Variants in ITGB1BP2 observed in about 807,000 individuals in gnomAD.
The protein encoded by ITGB1BP2 is integrin subunit beta 1 binding protein 2, also known as integrin beta-1-binding protein 2.
In ITGB1BP2, 27 loss-of-function variants were observed where a neutral mutation model predicts 32.2. The observed-to-expected ratio is 0.84, with a 90% CI of 0.62 to 1.16. The LOEUF is 1.16. Among genes scored for constraint, ITGB1BP2 ranks in the 50% most tolerant of loss-of-function variants. The pLI is 0.00. For synonymous variants in ITGB1BP2, 105 were observed against 94.7 expected (o/e 1.11, Z -0.63); for missense variants, 250 against 267.3 (o/e 0.94, Z 0.45).
intron 8 of ITGB1BP2, 55 bp downstream of exon 8, chrX:71,303,966 C>T: frequency 1.0e-6 from 1 of 984,124 alleles, no homozygotes; most frequent in East Asian, 3.3e-5. Context: ...GAGGTAAATT[C>T]TCCTCCCTCT....
chrX:71,304,706 A>AT (rs1385541525), intron 10 of ITGB1BP2, 102 bp downstream of exon 10: 1 of 681,566 alleles, frequency 1.5e-6, no homozygotes, highest in Non-Finnish European at 2.2e-6. Flanking sequence ...TACTAGGAAA[A>AT]TGGAGGTTTT....
At position 71,303,895 on chromosome X, in the gene ITGB1BP2, A is replaced by G; in HGVS notation, c.623A>G (p.His208Arg). The G allele has an allele frequency of 8.3e-7, 1 of 1,206,312 alleles. No individual in the cohort carries two copies. The highest frequency in any genetic ancestry group is 1.1e-6 in the Non-Finnish European group (1 of 892,241). ...CAACCAGGGTGCAGAGTCGGTAGAC[A>G]TGACTGGGGGAAGCAGGTAAGCCCC... ...LAQPGCRVGR[H>R]DWGKQLPASC... The change falls in exon 8 of 11, where the codon CAT (histidine) becomes CGT (arginine). Residue 208 changes from histidine (H) to arginine (R), a missense_variant. Transcript: ENST00000373829.
chrX:71,305,223 C>T lies in ITGB1BP2; in HGVS notation c.*31C>T. 6 of 1,086,736 alleles carry T rather than the reference C, an allele frequency of 5.5e-6. No individual in the cohort carries two copies. Among genetic ancestry groups the T allele is most frequent in the Non-Finnish European group, 7.5e-6 (6 of 796,571 alleles). The allele number at this position is 1,086,736 out of a possible 1,213,427, so 89.6% of individuals were successfully genotyped here. On this transcript the variant is annotated 3_prime_UTR_variant, in exon 11 of 11. Coordinates refer to ENST00000373829, the MANE Select transcript of ITGB1BP2 (RefSeq NM_012278.4). ...CCAGACAGTTGATGTCTAGATAGGACCTCAATGATTCCCTTAGAATCTTAG... is the reference window on the plus strand; with the variant it reads ...CCAGACAGTTGATGTCTAGATAGGATCTCAATGATTCCCTTAGAATCTTAG...
Position 71,304,165 on chromosome X carries a change from G to A in ITGB1BP2, c.640-22G>A, listed in dbSNP as rs760705892. The stretch of plus-strand genomic sequence containing the variant: ...AGTTAAGAATTTATTCTTACCACCT[G>A]CATTTCACATCTTCTCTTTAGCTCC... On this transcript the variant is annotated intron_variant, in intron 8 of 10. Transcript: ENST00000373829. The A allele has an allele frequency of 7.1e-6, 8 of 1,120,721 alleles. No individual in the cohort carries two copies. The Admixed American group carries it at 1.8e-4, about 25-fold the overall frequency. 92.4% of individuals were successfully genotyped at this position (1,120,721 alleles called of 1,213,427 possible).
In ITGB1BP2 at chrX:71,302,054, A is replaced by C. The variant is rs191410178; in HGVS notation, c.65-83A>C. 1.3e-3 allele frequency: 1,420 copies of C among 1,057,103 alleles called. 3 individuals are homozygous for C. The highest frequency in any genetic ancestry group is 9.0e-4 in the Admixed American group (33 of 36,733). 87.1% of individuals were successfully genotyped at this position (1,057,103 alleles called of 1,213,427 possible). A position where few individuals can be genotyped will look rare whatever the true frequency, so the allele number is the denominator to read the frequency against. On this transcript the variant is annotated intron_variant, in intron 1 of 10. Coordinates refer to ENST00000373829, the MANE Select transcript of ITGB1BP2 (RefSeq NM_012278.4). Reference sequence around the variant, plus strand: ...TCACATTATATGGGAAGAAACCATAAATAGAAACCCGGGGAAGAGGTGAAA... The same window carrying C: ...TCACATTATATGGGAAGAAACCATACATAGAAACCCGGGGAAGAGGTGAAA...
intron 9 of ITGB1BP2, 60 bp from the exon 10 acceptor site, chrX:71,304,482 C>T (rs779838954): frequency 6.8e-5 from 74 of 1,090,902 alleles, no homozygotes; most frequent in East Asian, 3.0e-4. Context: ...GGTTATCTGT[C>T]GTAATGACCT....
intron 10 of ITGB1BP2, 39 bp from the exon 11 acceptor site, chrX:71,304,926 C>T (rs778444383): frequency 9.0e-7 from 1 of 1,109,782 alleles, no homozygotes; most frequent in Admixed American, 2.2e-5. Flanking sequence ...TTGATTTCCT[C>T]ATTCTCTCTT....
In ITGB1BP2 at chrX:71,304,991, C is replaced by T. The variant is rs192907604; in HGVS notation, c.843C>T (p.Val281=). ...TCATAAACGTGGAGCAGAGCTCTGT[C>T]TTCTTGATGCCATCTCGGGTTGAAA... ...WGVINVEQSS[V]FLMPSRVEIS... The change falls in exon 11 of 11, where the codon GTC becomes GTT. Residue 281 remains valine (V), a synonymous_variant. Coordinates refer to ENST00000373829, the MANE Select transcript of ITGB1BP2 (RefSeq NM_012278.4). The T allele has an allele frequency of 4.1e-5, 49 of 1,208,991 alleles. No homozygotes were observed. The highest frequency in any genetic ancestry group is 4.4e-5 in the Admixed American group (2 of 45,602).
rs758739114 is a variant in ITGB1BP2, at chrX:71,304,600, G to T, written c.812G>T (p.Trp271Leu). 6 of 1,201,284 alleles carry T rather than the reference G, an allele frequency of 5.0e-6. No individual in the cohort carries two copies. In the Admixed American group the frequency reaches 6.6e-5, roughly 13 times the overall value. The stretch of plus-strand genomic sequence containing the variant: ...GTGTTCCAAGCACAGATGAAGCTCT[G>T]GGGGGTAAGTGAAGACCAGGGGACA... Reference protein sequence around the residue: ...NRVFQAQMKLWGVINVEQSSV... With the variant: ...NRVFQAQMKLLGVINVEQSSV... Residue 271 changes from tryptophan to leucine, a missense_variant, in exon 10 of 11, where the codon TGG (tryptophan) becomes TTG (leucine). Physicochemically the swap from Trp to Leu is moderately conservative, Grantham distance 61 (BLOSUM62 -2). Coordinates refer to ENST00000373829, the MANE Select transcript of ITGB1BP2 (RefSeq NM_012278.4).
At chrX:71,303,194 G>A (rs1307763242) in intron 4 of ITGB1BP2, 68 bp from the exon 5 acceptor site, 12 of 942,892 alleles carry the variant, frequency 1.3e-5, no homozygotes, top group African/African-American at 3.9e-5. Flanking sequence ...CATTACCATC[G>A]GTGGGAGTGT....
rs780229957 is a variant in ITGB1BP2 at position 71,303,845 on chromosome X, C to T, written c.573C>T (p.Thr191=). The T allele has an allele frequency of 1.7e-6, 2 of 1,209,078 alleles. No homozygotes were observed. Among genetic ancestry groups the T allele is most frequent in the East Asian group, 5.9e-5 (2 of 33,802 alleles). Residue 191 remains threonine, a synonymous_variant, in exon 8 of 11, where the codon ACC becomes ACT. Coordinates refer to ENST00000373829, the MANE Select transcript of ITGB1BP2 (RefSeq NM_012278.4). ...CTTGGAGCTGTTGTGGCATCCAGAC[C>T]CTGGATTTTGGGGCATTCTTGGCAC... ...MKSWSCCGIQ[T]LDFGAFLAQP... is the part of the protein sequence containing the mutation.
rs1413349224 is a variant in ITGB1BP2, at chrX:71,305,355, T to C, written c.*163T>C. ...CTGTTTTTTTCCCTTAAATAAATCTTGTATTCTTCAGTTTCACATAGTGTC... is the reference window on the plus strand; with the variant it reads ...CTGTTTTTTTCCCTTAAATAAATCTCGTATTCTTCAGTTTCACATAGTGTC... On this transcript the variant is annotated 3_prime_UTR_variant, in exon 11 of 11. Transcript: ENST00000373829. The C allele has an allele frequency of 2.2e-6, 1 of 450,030 alleles. No homozygotes were observed. The allele number at this position is 450,030 out of a possible 1,213,427, so 37.1% of individuals were successfully genotyped here. A position where few individuals can be genotyped will look rare whatever the true frequency, so the allele number is the denominator to read the frequency against.
rs747645024 is a variant in ITGB1BP2 at position 71,304,934 on chromosome X, C to T, written c.817-31C>T. ...AATGCCTTTGATTTCCTCATTCTCT[C>T]TTTCTTCTGTTTTCCTTTGCTCCTC... is the stretch of plus-strand genomic sequence containing the variant. On this transcript the variant is annotated intron_variant, in intron 10 of 10. Coordinates refer to ENST00000373829, the MANE Select transcript of ITGB1BP2 (RefSeq NM_012278.4). The T allele has an allele frequency of 1.4e-5, 16 of 1,135,641 alleles. No individual in the cohort carries two copies. The African/African-American group carries it at 2.0e-4, about 14-fold the overall frequency. 93.6% of individuals were successfully genotyped at this position (1,135,641 alleles called of 1,213,427 possible).
chrX:71,302,448 C>CTG lies in ITGB1BP2; in HGVS notation c.210_211dup (p.Glu71ValfsTer21). 1 of 1,211,500 alleles carries CTG rather than the reference C, an allele frequency of 8.3e-7. No individual in the cohort carries two copies. The highest frequency in any genetic ancestry group is 1.8e-5 in the South Asian group (1 of 56,975). Reference sequence around the variant, plus strand: ...GGACCACACTGTGCTGAGAAGCTTCCTGAGGCCCCTCAACCTGAAGGCCCT... The same window carrying CTG: ...GGACCACACTGTGCTGAGAAGCTTCCTGTGAGGCCCCTCAACCTGAAGGCCCT... On this transcript the variant is annotated frameshift_variant, in exon 4 of 11. Transcript: ENST00000373829. LOFTEE classifies it high-confidence loss of function.
In ITGB1BP2 at chrX:71,304,601, G is replaced by C. The variant is rs1181446544; in HGVS notation, c.813G>C (p.Trp271Cys). The change falls in exon 10 of 11, where the codon TGG (tryptophan) becomes TGC (cysteine). Residue 271 changes from tryptophan to cysteine, a missense_variant. Coordinates refer to ENST00000373829, the MANE Select transcript of ITGB1BP2 (RefSeq NM_012278.4). ...TGTTCCAAGCACAGATGAAGCTCTG[G>C]GGGGTAAGTGAAGACCAGGGGACAC... The part of the protein sequence containing the change: ...NRVFQAQMKL[W>C]GVINVEQSSV... 1.6e-5 allele frequency: 19 copies of C among 1,203,496 alleles called. No individual in the cohort carries two copies. Among genetic ancestry groups the C allele is most frequent in the Middle Eastern group, 2.6e-4 (1 of 3,812 alleles).
chrX:71,303,382 C>A (rs1239414256), intron 5 of ITGB1BP2, 26 bp downstream of exon 5: 1 of 1,205,841 alleles, frequency 8.3e-7, no homozygotes, highest in East Asian at 3.0e-5. Context: ...GTAGGATCAA[C>A]TTCATAGACT....
chrX:71,304,462 C>T, intron 9 of ITGB1BP2, 80 bp from the exon 10 acceptor site: 1 of 1,021,868 alleles, frequency 9.8e-7, no homozygotes, highest in Non-Finnish European at 1.4e-6. Context: ...GTGGATCATA[C>T]CTCTGACCTG....
intron 1 of ITGB1BP2, 130 bp from the exon 2 acceptor site, chrX:71,302,007 T>C (rs748483457): frequency 4.6e-4 from 408 of 896,265 alleles, no homozygotes; most frequent in Admixed American, 1.5e-3. Context: ...CTTACAGCCT[T>C]TGCTGGCTTT....
At chrX:71,303,183 C>A in intron 4 of ITGB1BP2, 79 bp from the exon 5 acceptor site, 1 of 895,768 alleles carries the variant, frequency 1.1e-6, no homozygotes, top group Non-Finnish European at 1.6e-6. Context: ...TTCTTTAATT[C>A]CATTACCATC....
Sources: allele counts gnomAD v4.1 joint callset, GRCh38; gene constraint gnomAD v4.1.1; transcripts MANE v1.5; gene names NCBI Gene and HGNC (gene_info 2026-07-23, HGNC 2026-07-21).